The following FGF7 variants were observed in gnomAD, a reference collection of about 807,000 sequenced individuals.
The protein encoded by FGF7 is FGF-7.
Under a neutral mutation model 20.5 loss-of-function variants are expected in FGF7, and 6 were observed. The ratio of observed to expected loss-of-function variants is 0.29; its 90% CI spans 0.16 to 0.58. The LOEUF (loss-of-function observed/expected upper bound fraction) is 0.58, where lower values mean the gene tolerates loss of function less well. FGF7 is among the 20% of genes least tolerant of loss of function. The pLI, the probability that FGF7 is intolerant of heterozygous loss-of-function variation, is 0.90. For missense variants in FGF7, 144 were observed against 228.8 expected (o/e 0.63, Z 2.39); for synonymous variants, 64 against 74.7 (o/e 0.86, Z 0.74).
Position 49,486,617 on chromosome 15 carries a change from A to T in FGF7, c.*2113A>T, listed in dbSNP as rs1020202947. ...ATTTAAATAGAAATAGTGTATATAC[A>T]TATAAAATACAAGCTATGTTAGGAC... On this transcript the variant is annotated 3_prime_UTR_variant, in exon 4 of 4. Coordinates refer to ENST00000267843, the MANE Select transcript of FGF7 (RefSeq NM_002009.4). 7 of 152,004 alleles carry T rather than the reference A, an allele frequency of 4.6e-5. No individual in the cohort carries two copies. The highest frequency in any genetic ancestry group is 8.8e-5 in the Non-Finnish European group (6 of 67,906). 9.4% of individuals were successfully genotyped at this position (152,004 alleles called of 1,614,324 possible).
chr15:49,460,945 T>A (rs1007192869), intron 2 of FGF7, among the ~76,000 whole-genome samples: 8 of 152,210 alleles, frequency 5.3e-5, no homozygotes, highest in African/African-American at 1.9e-4. Flanking sequence ...CAAATTCCAC[T>A]ATGTCAAAGC....
At chr15:49,425,096 T>C (rs2050008218) in intron 2 of FGF7, 1 of 152,108 alleles carries the variant, frequency 6.6e-6, no homozygotes, top group East Asian at 1.9e-4. Context: ...AATGATAAAA[T>C]AGAAGGGAAT....
At chr15:49,468,359 G>T (rs1857656968) in intron 2 of FGF7, among the ~76,000 whole-genome samples, 1 of 152,158 alleles carries the variant, frequency 6.6e-6, no homozygotes, top group African/African-American at 2.4e-5. Flanking sequence ...AATTTGAGGG[G>T]AATTATACTT....
intron 2 of FGF7, among the ~76,000 whole-genome samples, chr15:49,476,231 G>GTTTTTTTTTTTTTTTTTTTTTTTT (rs1567351795): frequency 3.4e-5 from 1 of 29,116 alleles, no homozygotes; most frequent in Non-Finnish European, 7.6e-5. Flanking sequence ...TTTTGTTTTT[G>GTTTTTTTTTTTTTTTTTTTTTTTT]GTTTTTTTTT....
At chr15:49,475,703 C>G (rs1349670867) in intron 2 of FGF7, among the ~76,000 whole-genome samples, 1 of 151,980 alleles carries the variant, frequency 6.6e-6, no homozygotes, top group African/African-American at 2.4e-5. Context: ...AAATTTACAG[C>G]TGGGGCGGGC....
intron 2 of FGF7, among the ~76,000 whole-genome samples, chr15:49,479,423 C>G (rs144205305): frequency 0.011 from 1,732 of 152,020 alleles, 14 homozygotes; most frequent in Middle Eastern, 0.037. Context: ...GAAAGACAGC[C>G]TCTTCTATTT....
In FGF7 at chr15:49,424,449, G is replaced by A. The variant is rs2049954821; in HGVS notation, c.152G>A (p.Arg51Gln). 3.1e-6 allele frequency: 5 copies of A among 1,613,308 alleles called. No homozygotes were observed. The highest frequency in any genetic ancestry group is 2.7e-5 in the African/African-American group (2 of 74,814). The change falls in exon 2 of 4, where the codon CGA becomes CAA. Residue 51 changes from arginine to glutamine, a missense_variant. Transcript: ENST00000267843. ...ATNVNCSSPERHTRSYDYMEG... is the reference protein window; with the variant it reads ...ATNVNCSSPEQHTRSYDYMEG... ...AATGTGAACTGTTCCAGCCCTGAGCGACACACAAGAAGTTATGATTACATG... is the reference window on the plus strand; with the variant it reads ...AATGTGAACTGTTCCAGCCCTGAGCAACACACAAGAAGTTATGATTACATG...
intron 2 of FGF7, among the ~76,000 whole-genome samples, chr15:49,445,675 A>G (rs1021595153): frequency 6.6e-6 from 1 of 151,620 alleles, no homozygotes; most frequent in Non-Finnish European, 1.5e-5. Context: ...TGAAAGAAAA[A>G]AATAAAATAT....
chr15:49,466,442 A>C (rs1430727358), intron 2 of FGF7, among the ~76,000 whole-genome samples: 1 of 152,216 alleles, frequency 6.6e-6, no homozygotes, highest in Non-Finnish European at 1.5e-5. Context: ...TTGTAGAAGA[A>C]AAATGGGAGA....
chr15:49,473,121 G>A (rs1418649930), intron 2 of FGF7, among the ~76,000 whole-genome samples: 1 of 151,928 alleles, frequency 6.6e-6, no homozygotes, highest in South Asian at 2.1e-4. Flanking sequence ...AAACATTTTT[G>A]TATTTTTTCA....
chr15:49,474,058 CT>C (rs1473520258), intron 2 of FGF7, among the ~76,000 whole-genome samples: 1 of 151,954 alleles, frequency 6.6e-6, no homozygotes, highest in Admixed American at 6.6e-5. Context: ...GATAGGCGAA[CT>C]TTTTATTATA....
chr15:49,467,170 T>C (rs369099722), intron 2 of FGF7, among the ~76,000 whole-genome samples: 36 of 152,274 alleles, frequency 2.4e-4, no homozygotes, highest in African/African-American at 8.4e-4. Flanking sequence ...AAAGTGGATG[T>C]GTAGTTTATC....
intron 2 of FGF7, among the ~76,000 whole-genome samples, chr15:49,448,842 C>A (rs1326121126): frequency 6.6e-6 from 1 of 151,694 alleles, no homozygotes; most frequent in Non-Finnish European, 1.5e-5. Context: ...AAGAATGAAC[C>A]CTCTACAATT....
intron 2 of FGF7, among the ~76,000 whole-genome samples, chr15:49,474,592 A>G (rs1460240303): frequency 1.3e-5 from 2 of 152,132 alleles, no homozygotes; most frequent in African/African-American, 4.8e-5. Context: ...TGAAAATACT[A>G]GATAGCTATT....
intron 2 of FGF7, among the ~76,000 whole-genome samples, chr15:49,435,941 C>A (rs1030930208): frequency 6.6e-6 from 1 of 151,320 alleles, no homozygotes; most frequent in Non-Finnish European, 1.5e-5. Flanking sequence ...AATGTTAATT[C>A]TTTAAAAATA....
At chr15:49,437,760 T>A (rs1012258941) in intron 2 of FGF7, among the ~76,000 whole-genome samples, 4 of 151,668 alleles carry the variant, frequency 2.6e-5, no homozygotes, top group African/African-American at 9.7e-5. Context: ...AGATACACAA[T>A]GCAAGCACCC....
chr15:49,488,099 A>C lies in FGF7; in HGVS notation c.*3595A>C, dbSNP rs1328961973. 3 of 151,976 alleles carry C rather than the reference A, an allele frequency of 2.0e-5. No individual in the cohort carries two copies. The highest frequency in any genetic ancestry group is 7.2e-5 in the African/African-American group (3 of 41,394). 9.4% of individuals were successfully genotyped at this position (151,976 alleles called of 1,614,324 possible). ...TCAGAATACATCACTGATACATCGA[A>C]ATGGATGCAGGCCACTATGACTAAC... On this transcript the variant is annotated 3_prime_UTR_variant, in exon 4 of 4. Transcript: ENST00000267843.
At chr15:49,455,410 C>T (rs1327247642) in intron 2 of FGF7, among the ~76,000 whole-genome samples, 8 of 151,862 alleles carry the variant, frequency 5.3e-5, no homozygotes. Flanking sequence ...TGCATAAAAC[C>T]CCAGCATTTT....
intron 2 of FGF7, among the ~76,000 whole-genome samples, chr15:49,458,971 G>C (rs2053556081): frequency 6.6e-6 from 1 of 151,988 alleles, no homozygotes; most frequent in Non-Finnish European, 1.5e-5. Flanking sequence ...CTGCTATCCA[G>C]AACAATAAAG....
Sources: allele counts gnomAD v4.1 joint callset (sites outside exome capture counted in the v4.1 genomes callset), GRCh38; gene constraint gnomAD v4.1.1; transcripts MANE v1.5; gene names NCBI Gene and HGNC (gene_info 2026-07-23, HGNC 2026-07-21).